PPIP5K2: variants seen among roughly 807,000 people sequenced by gnomAD.
PPIP5K2 encodes the protein diphosphoinositol pentakisphosphate kinase 2, also known as inositol hexakisphosphate and diphosphoinositol-pentakisphosphate kinase 2.
In PPIP5K2, 105 loss-of-function variants were observed where a neutral mutation model predicts 154.6. The observed-to-expected ratio is 0.68, with a 90% CI of 0.58 to 0.80. PPIP5K2 has a LOEUF of 0.80. Ranked by LOEUF, PPIP5K2 falls within the 30% of genes least tolerant of loss-of-function variation. The pLI is 0.00. For synonymous variants in PPIP5K2, 480 were observed against 490.3 expected (o/e 0.98, Z 0.28); for missense variants, 992 against 1,504.6 (o/e 0.66, Z 5.64).
At chr5:103,167,555 T>C (rs1346777843) in intron 18 of PPIP5K2, among the ~76,000 whole-genome samples, 4 of 151,986 alleles carry the variant, frequency 2.6e-5, no homozygotes, top group African/African-American at 9.7e-5. Context: ...TTATGCAGCA[T>C]TGCTATATAG....
chr5:103,166,929 G>A (rs1554218074), intron 17 of PPIP5K2, among the ~76,000 whole-genome samples: 1 of 151,926 alleles, frequency 6.6e-6, no homozygotes, highest in East Asian at 1.9e-4. Flanking sequence ...GGGTGGAAGA[G>A]GTGAAGGAGG....
intron 29 of PPIP5K2, among the ~76,000 whole-genome samples, chr5:103,193,929 ATT>A (rs1470733623): frequency 6.6e-6 from 1 of 152,066 alleles, no homozygotes; most frequent in Non-Finnish European, 1.5e-5. Flanking sequence ...ACACCTCTCA[ATT>A]TCTCTGCCTT....
intron 5 of PPIP5K2, among the ~76,000 whole-genome samples, chr5:103,139,034 C>G (rs76379233): frequency 9.2e-5 from 14 of 152,124 alleles, no homozygotes; most frequent in Admixed American, 3.9e-4. Flanking sequence ...TTTTGGTATA[C>G]GAGGGGGTTC....
chr5:103,130,699 G>A (rs1390671444), intron 2 of PPIP5K2, among the ~76,000 whole-genome samples: 2 of 152,072 alleles, frequency 1.3e-5, no homozygotes, highest in Non-Finnish European at 2.9e-5. Flanking sequence ...TTCTTCATCT[G>A]AAGTTTTATC....
chr5:103,158,592 TA>T lies in PPIP5K2; in HGVS notation c.1737+20del, dbSNP rs1166912209. 14 of 1,541,178 alleles carry T rather than the reference TA, an allele frequency of 9.1e-6. No individual in the cohort carries two copies. The highest frequency in any genetic ancestry group is 8.5e-5 in the African/African-American group (6 of 70,460). Reference sequence around the variant, plus strand: ...TGCAAAGGTATAAATAATTTTTTTTTAGAATTATTAGAGTTTTTAATCTAAT... The same window carrying T: ...TGCAAAGGTATAAATAATTTTTTTTTGAATTATTAGAGTTTTTAATCTAAT... On this transcript the variant is annotated intron_variant, in intron 16 of 30. Transcript: ENST00000358359.
intron 30 of PPIP5K2, among the ~76,000 whole-genome samples, chr5:103,196,262 T>C (rs1253806916): frequency 6.6e-6 from 1 of 152,258 alleles, no homozygotes; most frequent in Non-Finnish European, 1.5e-5. Context: ...AGAACTTCAA[T>C]AACACTCTGT....
intron 2 of PPIP5K2, among the ~76,000 whole-genome samples, chr5:103,133,105 A>G (rs1206953655): frequency 6.6e-6 from 1 of 152,172 alleles, no homozygotes; most frequent in East Asian, 1.9e-4. Flanking sequence ...CATAGAGTGG[A>G]TGGGTTTTGA....
At chr5:103,145,116 A>G in intron 5 of PPIP5K2, among the ~76,000 whole-genome samples, 1 of 152,126 alleles carries the variant, frequency 6.6e-6, no homozygotes, top group East Asian at 1.9e-4. Context: ...ATTTTTCTCA[A>G]AGGAAGACAT....
In PPIP5K2 at chr5:103,210,131, CAT is replaced by C. The variant is rs1216811202; in HGVS notation, c.*8500_*8501del. ...AAAGAGAGAATCAATGAGCCACACTCATATTGGAAGCGAATGGAGTTGACTTC... is the reference window on the plus strand; with the variant it reads ...AAAGAGAGAATCAATGAGCCACACTCATTGGAAGCGAATGGAGTTGACTTC... On this transcript the variant is annotated 3_prime_UTR_variant, in exon 31 of 31. Transcript: ENST00000358359. 1 of 152,148 alleles carries C rather than the reference CAT, an allele frequency of 6.6e-6. No individual in the cohort carries two copies. Among genetic ancestry groups the C allele is most frequent in the Non-Finnish European group, 1.5e-5 (1 of 68,018 alleles). The allele number at this position is 152,148 out of a possible 1,614,324, so 9.4% of individuals were successfully genotyped here.
In PPIP5K2 at chr5:103,204,859, A is replaced by G. The variant is rs1803416561; in HGVS notation, c.*3225A>G. The stretch of plus-strand genomic sequence containing the variant: ...AGCTCCTTAACTAAATATATTACTG[A>G]GTTTTTTTTTTAATACTGTAAGTTC... On this transcript the variant is annotated 3_prime_UTR_variant, in exon 31 of 31. Coordinates refer to ENST00000358359, the MANE Select transcript of PPIP5K2 (RefSeq NM_001276277.3). 1 of 151,738 alleles carries G rather than the reference A, an allele frequency of 6.6e-6. No individual in the cohort carries two copies. The allele number at this position is 151,738 out of a possible 1,614,324, so 9.4% of individuals were successfully genotyped here.
Position 103,180,118 on chromosome 5 carries a change from T to C in PPIP5K2, c.2852T>C (p.Met951Thr), listed in dbSNP as rs1554222149. 3 of 1,605,540 alleles carry C rather than the reference T, an allele frequency of 1.9e-6. No individual in the cohort carries two copies. In the African/African-American group the frequency reaches 4.0e-5, roughly 22 times the overall value. The change falls in exon 24 of 31, where the codon ATG becomes ACG. Residue 951 changes from methionine to threonine, a missense_variant. Transcript: ENST00000358359. ...VDRAVILFKP[M>T]VSEPIHIHRK... ...CGAGCTGTGATATTGTTTAAACCAA[T>C]GGTATCAGAGCCAATTCATATACAC...
In PPIP5K2 at chr5:103,210,521, GCTCTACCACT is replaced by G; in HGVS notation, c.*8888_*8897del. 6.6e-6 allele frequency: 1 copy of G among 152,162 alleles called. No individual in the cohort carries two copies. Among genetic ancestry groups the G allele is most frequent in the African/African-American group, 2.4e-5 (1 of 41,518 alleles). The allele number at this position is 152,162 out of a possible 1,614,324, so 9.4% of individuals were successfully genotyped here. A position where few individuals can be genotyped will look rare whatever the true frequency, so the allele number is the denominator to read the frequency against. ...AAAGGAGACCTGGGTATTAATCTCAGCTCTACCACTACATGGTAGAGCTATGTAGTGGTAG... is the reference window on the plus strand; with the variant it reads ...AAAGGAGACCTGGGTATTAATCTCAGACATGGTAGAGCTATGTAGTGGTAG... On this transcript the variant is annotated 3_prime_UTR_variant, in exon 31 of 31. Coordinates refer to ENST00000358359, the MANE Select transcript of PPIP5K2 (RefSeq NM_001276277.3).
intron 14 of PPIP5K2, 88 bp downstream of exon 14, chr5:103,156,082 G>C: frequency 2.4e-6 from 2 of 837,534 alleles, no homozygotes; most frequent in South Asian, 1.6e-5. Context: ...CTTTTGCTTA[G>C]TAGTTTAGGG....
intron 1 of PPIP5K2, among the ~76,000 whole-genome samples, chr5:103,124,065 G>C (rs1295038318): frequency 6.6e-6 from 1 of 152,036 alleles, no homozygotes; most frequent in Admixed American, 6.5e-5. Context: ...AGGATCACGA[G>C]GTCAGGAGAT....
At chr5:103,176,290 A>C (rs1224236074) in intron 21 of PPIP5K2, among the ~76,000 whole-genome samples, 3 of 152,032 alleles carry the variant, frequency 2.0e-5, no homozygotes, top group Non-Finnish European at 4.4e-5. Flanking sequence ...TTAATACTGG[A>C]GTATCACAAA....
intron 1 of PPIP5K2, among the ~76,000 whole-genome samples, chr5:103,126,436 C>T (rs1375235822): frequency 6.6e-6 from 1 of 152,092 alleles, no homozygotes; most frequent in Non-Finnish European, 1.5e-5. Flanking sequence ...TACTTACACA[C>T]ATATTTTGTA....
At chr5:103,170,100 G>T (rs1414056430) in intron 19 of PPIP5K2, among the ~76,000 whole-genome samples, 1 of 151,408 alleles carries the variant, frequency 6.6e-6, no homozygotes, top group South Asian at 2.1e-4. Context: ...GAGTTGAGCC[G>T]AAAAGAAAAC....
In PPIP5K2 at chr5:103,190,836, T is replaced by C. The variant is rs782369605; in HGVS notation, c.3353-6T>C. On this transcript the variant is annotated splice_region_variant and splice_polypyrimidine_tract_variant and intron_variant, in intron 28 of 30. Coordinates refer to ENST00000358359, the MANE Select transcript of PPIP5K2 (RefSeq NM_001276277.3). Reference sequence around the variant, plus strand: ...ATTTTTTGTTTTTGGTTTTTTTCTCTTCTAGGCTTTGAATTGTATTCCATG... The same window carrying C: ...ATTTTTTGTTTTTGGTTTTTTTCTCCTCTAGGCTTTGAATTGTATTCCATG... The C allele has an allele frequency of 8.3e-6, 13 of 1,574,534 alleles. No individual in the cohort carries two copies. In the South Asian group the frequency reaches 1.3e-4, roughly 16 times the overall value.
At chr5:103,148,233 G>A (rs1278132154) in intron 7 of PPIP5K2, 3 of 609,864 alleles carry the variant, frequency 4.9e-6, no homozygotes, top group East Asian at 3.2e-5. Flanking sequence ...GTTTTTAAAT[G>A]CTTTAAACAT....
Sources: gnomAD v4.1 joint callset for allele counts (sites outside exome capture counted in the v4.1 genomes callset) on GRCh38, gnomAD v4.1.1 for gene constraint, MANE v1.5 for transcripts, NCBI Gene and HGNC (gene_info 2026-07-23, HGNC 2026-07-21) for gene names.